TJP3: variants seen among roughly 807,000 people sequenced by gnomAD.
The protein encoded by TJP3 is tight junction protein ZO-3.
TJP3 carries 85 observed loss-of-function variants against 104.2 expected under a neutral mutation model. That is an observed-to-expected ratio of 0.82 (90% CI 0.68 to 0.98). The LOEUF (loss-of-function observed/expected upper bound fraction) is 0.98. TJP3 is among the 50% of genes least tolerant of loss of function. The probability of loss-of-function intolerance (pLI) is 0.00; values close to 1 mark genes in which losing one functional copy is unlikely to be tolerated. For synonymous variants in TJP3, 550 were observed against 550.6 expected, an observed-to-expected ratio of 1.00 and a Z score of 0.02; for missense variants, 1,367 against 1,322.8, an observed-to-expected ratio of 1.03 and a Z score of -0.52.
chr19:3,716,721 G>A lies in TJP3; in HGVS notation c.-10+8160G>A, dbSNP rs1041006516. On this transcript the variant is annotated intron_variant, in intron 1 of 20. Coordinates refer to ENST00000541714, the MANE Select transcript of TJP3 (RefSeq NM_001267560.2). ...GATCACTGCAGCCTCGACCTCCTGG[G>A]CTCAAATGATCCTCCCACTTCAGCG... is the stretch of plus-strand genomic sequence containing the variant. Among the ~76,000 whole-genome samples the A allele has an allele frequency of 2.1e-5, 3 of 144,088 alleles. 1 individual carries two copies. Among genetic ancestry groups the A allele is most frequent in the Non-Finnish European group, 4.6e-5 (3 of 64,700 alleles). 94.5% of individuals were successfully genotyped at this position (144,088 alleles called of 152,430 possible). A position where few individuals can be genotyped will look rare whatever the true frequency, so the allele number is the denominator to read the frequency against.
intron 1 of TJP3, among the ~76,000 whole-genome samples, chr19:3,719,999 C>CCA: frequency 6.6e-6 from 1 of 152,192 alleles, no homozygotes; most frequent in Non-Finnish European, 1.5e-5. Flanking sequence ...TCCCACCTGA[C>CCA]TCTTCAAAGT....
rs1482136976 is a variant in TJP3 at position 3,718,226 on chromosome 19, T to G, written c.-10+9665T>G. Among the ~76,000 whole-genome samples, 33 of 79,396 alleles carry G rather than the reference T, an allele frequency of 4.2e-4. 1 individual carries two copies. The highest frequency in any genetic ancestry group is 1.1e-3 in the East Asian group (3 of 2,726). The allele number at this position is 79,396 out of a possible 152,430, so 52.1% of individuals were successfully genotyped here. A position where few individuals can be genotyped will look rare whatever the true frequency, so the allele number is the denominator to read the frequency against. ...AAAAAAAAAAAAGTGTGTGTGTGTG[T>G]GTGTGTGTGTGTGTGTGTGTGTGTG... On this transcript the variant is annotated intron_variant, in intron 1 of 20. Transcript: ENST00000541714.
At chr19:3,748,846 GCCTT>G (rs2036945048) in intron 19 of TJP3, among the ~76,000 whole-genome samples, 2 of 120,622 alleles carry the variant, frequency 1.7e-5, no homozygotes, top group African/African-American at 6.3e-5. Context: ...ACTGCACCCG[GCCTT>G]TTTTTTTTTT....
At position 3,708,576 on chromosome 19, in the gene TJP3, C is replaced by T. The variant is rs2036406252; in HGVS notation, c.-10+15C>T. ...CTCCTAGACAGGTAAGTCCCCCGCCCCACTGTGCTTTTCCACCCAGTGTGC... is the reference window on the plus strand; with the variant it reads ...CTCCTAGACAGGTAAGTCCCCCGCCTCACTGTGCTTTTCCACCCAGTGTGC... On this transcript the variant is annotated intron_variant, in intron 1 of 20. Coordinates refer to ENST00000541714, the MANE Select transcript of TJP3 (RefSeq NM_001267560.2). 1 of 152,180 alleles carries T rather than the reference C, an allele frequency of 6.6e-6. No homozygotes were observed. The highest frequency in any genetic ancestry group is 2.4e-5 in the African/African-American group (1 of 41,428). The allele number at this position is 152,180 out of a possible 1,614,324, so 9.4% of individuals were successfully genotyped here.
At chr19:3,741,511 C>T (rs1037111870) in intron 14 of TJP3, among the ~76,000 whole-genome samples, 2 of 148,936 alleles carry the variant, frequency 1.3e-5, no homozygotes, top group Non-Finnish European at 3.0e-5. Context: ...CCTGTAATCC[C>T]AGCTACTTGG....
intron 1 of TJP3, among the ~76,000 whole-genome samples, chr19:3,720,895 C>CT (rs2036534641): frequency 7.6e-6 from 1 of 131,454 alleles, no homozygotes; most frequent in South Asian, 2.4e-4. Context: ...TTCCTTCCTT[C>CT]CTTTTCTTTT....
At chr19:3,717,838 C>T (rs912459031) in intron 1 of TJP3, among the ~76,000 whole-genome samples, 5 of 151,618 alleles carry the variant, frequency 3.3e-5, no homozygotes, top group Non-Finnish European at 5.9e-5. Flanking sequence ...CAGCCTCCAC[C>T]GCCTGGGCTC....
chr19:3,713,690 T>A (rs2036452520), intron 1 of TJP3, among the ~76,000 whole-genome samples: 1 of 152,158 alleles, frequency 6.6e-6, no homozygotes, highest in Admixed American at 6.6e-5. Flanking sequence ...TACTTTTCTG[T>A]AACTTTAAAA....
rs1353008644 is a variant in TJP3, at chr19:3,747,836, G to C, written c.2365G>C (p.Gly789Arg). ...LEDNLDLPHH[G>R]LADSSADLSC... ...GGACAACCTAGACCTCCCTCACCAC[G>C]GCCTGGCCGACAGCTCCGCTGACCT... is the stretch of plus-strand genomic sequence containing the variant. Residue 789 changes from glycine (G) to arginine (R), a missense_variant, in exon 19 of 21, where the codon GGC (glycine) becomes CGC (arginine). Gly to Arg is a moderately radical substitution (Grantham distance 125, BLOSUM62 -2). Transcript: ENST00000541714. The C allele has an allele frequency of 1.2e-6, 2 of 1,609,042 alleles. No homozygotes were observed. The highest frequency in any genetic ancestry group is 1.1e-5 in the South Asian group (1 of 90,808).
intron 3 of TJP3, 31 bp downstream of exon 3, chr19:3,728,744 G>A (rs2036632819): frequency 1.2e-6 from 2 of 1,607,582 alleles, no homozygotes; most frequent in African/African-American, 1.3e-5. Flanking sequence ...GTTCTGGCGG[G>A]GGAGGGCACG....
At chr19:3,718,529 C>G (rs188182300) in intron 1 of TJP3, among the ~76,000 whole-genome samples, 1,581 of 150,344 alleles carry the variant, frequency 0.011, 76 homozygotes, top group Admixed American at 0.085. Context: ...AGTGCAGTGG[C>G]GCAATCTTGG....
chr19:3,730,174 C>A lies in TJP3; in HGVS notation c.261+44C>A. On this transcript the variant is annotated intron_variant, in intron 4 of 20. Transcript: ENST00000541714. This position sits in a 1 kb window ranked among gnomAD's most constrained non-coding sequence, Gnocchi z 7.3. ...GCATGGCCAGCATCTCTGACCCCAGCCTGGGTCGTGCCGCTGTGGGGGTTG... is the reference window on the plus strand; with the variant it reads ...GCATGGCCAGCATCTCTGACCCCAGACTGGGTCGTGCCGCTGTGGGGGTTG... The A allele has an allele frequency of 6.3e-7, 1 of 1,594,248 alleles. No homozygotes were observed. The highest frequency in any genetic ancestry group is 8.6e-7 in the Non-Finnish European group (1 of 1,162,388).
Position 3,750,649 on chromosome 19 carries a change from G to A in TJP3, c.2725G>A (p.Asp909Asn). 1.2e-6 allele frequency: 2 copies of A among 1,606,796 alleles called. No homozygotes were observed. Among genetic ancestry groups the A allele is most frequent in the Non-Finnish European group, 8.5e-7 (1 of 1,176,672 alleles). The change falls in exon 21 of 21, where the codon GAC (aspartate) becomes AAC (asparagine). Residue 909 changes from aspartate to asparagine, a missense_variant. Asp to Asn is a conservative substitution (Grantham distance 23). Transcript: ENST00000541714. ...ACATGATGCGGAGTCCTCCGATGAA[G>A]ACGGCTATGACTGGGGTCCGGCCAC... is the stretch of plus-strand genomic sequence containing the variant. The part of the protein sequence containing the change: ...RVHDAESSDE[D>N]GYDWGPATDL
Position 3,731,891 on chromosome 19 carries a change from C to T in TJP3, c.614-44C>T, listed in dbSNP as rs773808684. On this transcript the variant is annotated intron_variant, in intron 5 of 20. Transcript: ENST00000541714. ...CAGCAGGAGAATGCTCCCAGGCACC[C>T]GTCTCCAGAGTCCTGCCTCAGTTTC... 9.0e-6 allele frequency: 14 copies of T among 1,552,716 alleles called. No homozygotes were observed. In the East Asian group the frequency reaches 9.1e-5, roughly 10 times the overall value.
At position 3,730,628 on chromosome 19, in the gene TJP3, G is replaced by A. The variant is rs761215993; in HGVS notation, c.535G>A (p.Gly179Ser). 35 of 1,611,814 alleles carry A rather than the reference G, an allele frequency of 2.2e-5. No homozygotes were observed. The highest frequency in any genetic ancestry group is 1.6e-4 in the Middle Eastern group (1 of 6,072). Residue 179 changes from glycine (G) to serine (S), a missense_variant, in exon 5 of 21, where the codon GGC (glycine) becomes AGC (serine). By Grantham distance (56) the Gly-to-Ser change is moderately conservative. Transcript: ENST00000541714. The surrounding 1 kb of genome is among the most constrained non-coding windows in gnomAD (Gnocchi z 7.3). Reference sequence around the variant, plus strand: ...GGCCAACGGGCTGGCCCTGGTGTCCGGCTTTAAGCGGCTGCCACGGCAGGA... The same window carrying A: ...GGCCAACGGGCTGGCCCTGGTGTCCAGCTTTAAGCGGCTGCCACGGCAGGA... The part of the protein sequence containing the change: ...SEANGLALVS[G>S]FKRLPRQDVQ...
intron 1 of TJP3, among the ~76,000 whole-genome samples, chr19:3,712,700 A>G (rs1231158898): frequency 6.6e-6 from 1 of 151,796 alleles, no homozygotes; most frequent in Non-Finnish European, 1.5e-5. Context: ...TGGAATCCCA[A>G]CATTTTGGGA....
intron 1 of TJP3, among the ~76,000 whole-genome samples, chr19:3,726,002 C>T (rs1016185588): frequency 6.6e-6 from 1 of 152,232 alleles, no homozygotes; most frequent in Non-Finnish European, 1.5e-5. Flanking sequence ...CCTTCCCACT[C>T]CTGGAGATCA....
intron 1 of TJP3, among the ~76,000 whole-genome samples, chr19:3,716,802 T>TATATATATATA (rs1491300447): frequency 6.5e-4 from 31 of 47,384 alleles, no homozygotes; most frequent in Admixed American, 2.4e-3. Flanking sequence ...TATATATATA[T>TATATATATATA]TTTTTTTTTT....
At chr19:3,748,514 C>T (rs1411664847) in intron 19 of TJP3, among the ~76,000 whole-genome samples, 7 of 151,244 alleles carry the variant, frequency 4.6e-5, no homozygotes, top group African/African-American at 9.7e-5. Flanking sequence ...GTAATCCACC[C>T]GCCTTGGCCT....
Sources: gnomAD v4.1 joint callset for allele counts (sites outside exome capture counted in the v4.1 genomes callset) on GRCh38, gnomAD v4.1.1 for gene constraint, Gnocchi (gnomAD v3.1) non-coding constraint, MANE v1.5 for transcripts, NCBI Gene and HGNC (gene_info 2026-07-23, HGNC 2026-07-21) for gene names.